The following IQGAP1 variants were observed in gnomAD, a reference collection of about 807,000 sequenced individuals.
The protein encoded by IQGAP1 is ras GTPase-activating-like protein IQGAP1.
IQGAP1 carries 66 observed loss-of-function variants against 215.6 expected under a neutral mutation model. The ratio of observed to expected loss-of-function variants is 0.31; its 90% CI spans 0.25 to 0.38. IQGAP1 has a LOEUF of 0.38. Among genes scored for constraint, IQGAP1 ranks in the 10% least tolerant of loss-of-function variants. The pLI is 1.00. For missense variants in IQGAP1, 1,712 were observed against 1,997.1 expected (o/e 0.86, Z 2.72); for synonymous variants, 772 against 728.7 (o/e 1.06, Z -0.96).
Position 90,491,307 on chromosome 15 carries a change from T to G in IQGAP1, c.4249-26T>G, listed in dbSNP as rs376947461. 16 of 1,601,980 alleles carry G rather than the reference T, an allele frequency of 1.0e-5. No homozygotes were observed. The African/African-American group carries it at 1.9e-4, about 19-fold the overall frequency. ...TTTAGGATTAGTGTGGTAAACTTGC[T>G]AAGAACTTCTTTTTCCCATCCGTAG... On this transcript the variant is annotated intron_variant, in intron 33 of 37. Transcript: ENST00000268182.
intron 11 of IQGAP1, among the ~76,000 whole-genome samples, chr15:90,451,833 C>CTTT (rs1000688423): frequency 7.2e-6 from 1 of 139,524 alleles, no homozygotes; most frequent in African/African-American, 2.6e-5. Flanking sequence ...TCTGTGTGCC[C>CTTT]TTTTTTTTTT....
intron 3 of IQGAP1, among the ~76,000 whole-genome samples, chr15:90,428,958 T>A (rs993181968): frequency 2.6e-5 from 4 of 152,146 alleles, no homozygotes; most frequent in African/African-American, 9.7e-5. Flanking sequence ...GGTTCAACGA[T>A]TCTCCTGCCT....
intron 4 of IQGAP1, among the ~76,000 whole-genome samples, chr15:90,431,984 G>A (rs1164489049): frequency 6.6e-6 from 1 of 152,024 alleles, no homozygotes; most frequent in Non-Finnish European, 1.5e-5. Context: ...AACTAGTCCT[G>A]TTTTCTTTAA....
chr15:90,471,012 G>T (rs1429121980), intron 18 of IQGAP1, among the ~76,000 whole-genome samples: 2 of 151,914 alleles, frequency 1.3e-5, no homozygotes, highest in African/African-American at 2.4e-5. Context: ...TGTGGCTCTA[G>T]CCCTTACCCT....
At chr15:90,389,046 T>G (rs1445984069) in intron 1 of IQGAP1, among the ~76,000 whole-genome samples, 1 of 152,178 alleles carries the variant, frequency 6.6e-6, no homozygotes, top group Non-Finnish European at 1.5e-5. Flanking sequence ...GGAGGACCCT[T>G]TGGGATTTTG....
intron 26 of IQGAP1, 138 bp downstream of exon 26, chr15:90,478,027 TGTC>T (rs1966004862): frequency 1.5e-6 from 1 of 657,954 alleles, no homozygotes; most frequent in African/African-American, 1.8e-5. Context: ...GTTTCACTCT[TGTC>T]GTCCAGGCTG....
chr15:90,442,171 G>T (rs16944431), intron 8 of IQGAP1, among the ~76,000 whole-genome samples: 27,276 of 152,128 alleles, frequency 0.18, 2,563 homozygotes, highest in Middle Eastern at 0.22. Flanking sequence ...GTGTACAGTT[G>T]TTATGGGTAT....
At chr15:90,398,303 A>G (rs1033113884) in intron 2 of IQGAP1, among the ~76,000 whole-genome samples, 1 of 152,128 alleles carries the variant, frequency 6.6e-6, no homozygotes, top group African/African-American at 2.4e-5. Context: ...TTCACTTCAG[A>G]CCTTAGCTTT....
intron 7 of IQGAP1, 49 bp from the exon 8 acceptor site, chr15:90,441,457 A>G (rs764556499): frequency 5.3e-6 from 8 of 1,497,676 alleles, no homozygotes; most frequent in South Asian, 1.2e-5. Flanking sequence ...CCTGTAATCT[A>G]TATAATCTCA....
chr15:90,388,255 C>T lies in IQGAP1; in HGVS notation c.-87C>T, dbSNP rs1349837201. On this transcript the variant is annotated 5_prime_UTR_variant, in exon 1 of 38. Transcript: ENST00000268182. Reference sequence around the variant, plus strand: ...CGGGGCCTCGGGGACCCCGGCAAGCCCGCGCACTTGGCAGGAGCTGTAGCT... The same window carrying T: ...CGGGGCCTCGGGGACCCCGGCAAGCTCGCGCACTTGGCAGGAGCTGTAGCT... 1.4e-6 allele frequency: 2 copies of T among 1,474,336 alleles called. No homozygotes were observed. The highest frequency in any genetic ancestry group is 1.8e-6 in the Non-Finnish European group (2 of 1,081,976). 91.3% of individuals were successfully genotyped at this position (1,474,336 alleles called of 1,614,324 possible).
chr15:90,406,074 G>T (rs1964873766), intron 2 of IQGAP1, among the ~76,000 whole-genome samples: 1 of 151,934 alleles, frequency 6.6e-6, no homozygotes, highest in African/African-American at 2.4e-5. Context: ...AAAAATGAGG[G>T]GTGCAAATGT....
At chr15:90,479,388 G>A (rs1966024426) in intron 26 of IQGAP1, among the ~76,000 whole-genome samples, 1 of 152,000 alleles carries the variant, frequency 6.6e-6, no homozygotes, top group African/African-American at 2.4e-5. Flanking sequence ...CCGGATGCCA[G>A]GCAAACAGGG....
chr15:90,443,630 T>C (rs1407826137), intron 9 of IQGAP1, 152 bp downstream of exon 9: 2 of 580,170 alleles, frequency 3.4e-6, no homozygotes, highest in Admixed American at 6.4e-5. Flanking sequence ...ATCTTTTGTG[T>C]TTCTATGCCT....
At position 90,500,424 on chromosome 15, in the gene IQGAP1, G is replaced by A. The variant is rs1383656044; in HGVS notation, c.*316G>A. 1 of 221,454 alleles carries A rather than the reference G, an allele frequency of 4.5e-6. No homozygotes were observed. Among genetic ancestry groups the A allele is most frequent in the African/African-American group, 2.2e-5 (1 of 44,628 alleles). The allele number at this position is 221,454 out of a possible 1,614,324, so 13.7% of individuals were successfully genotyped here. On this transcript the variant is annotated 3_prime_UTR_variant, in exon 38 of 38. Coordinates refer to ENST00000268182, the MANE Select transcript of IQGAP1 (RefSeq NM_003870.4). ...GTCTTAGAGGTTGCAGTACTATATTGTAAGCTTTGGTGTTTGTTTAATTAG... is the reference window on the plus strand; with the variant it reads ...GTCTTAGAGGTTGCAGTACTATATTATAAGCTTTGGTGTTTGTTTAATTAG...
chr15:90,485,997 T>A (rs1176697253), intron 30 of IQGAP1, 33 bp from the exon 31 acceptor site: 1 of 1,510,102 alleles, frequency 6.6e-7, no homozygotes, highest in Non-Finnish European at 9.2e-7. Context: ...AAGAGTTGAA[T>A]GTATAAATGG....
chr15:90,431,752 T>C (rs1365443023), intron 4 of IQGAP1, among the ~76,000 whole-genome samples: 1 of 152,238 alleles, frequency 6.6e-6, no homozygotes, highest in Non-Finnish European at 1.5e-5. Flanking sequence ...ATTGTTGTTC[T>C]TAATATAATG....
At chr15:90,394,524 G>A (rs914653055) in intron 2 of IQGAP1, among the ~76,000 whole-genome samples, 2 of 152,146 alleles carry the variant, frequency 1.3e-5, no homozygotes, top group Non-Finnish European at 2.9e-5. Context: ...CATGCTCTTC[G>A]TTATTAGTGA....
Position 90,482,227 on chromosome 15 carries a change from G to A in IQGAP1, c.3501G>A (p.Leu1167=), listed in dbSNP as rs761144008. Residue 1167 remains leucine, a synonymous_variant, in exon 28 of 38, where the codon CTG becomes CTA. Transcript: ENST00000268182. The part of the protein sequence containing the change: ...PYGMRFIAKV[L]KDSLHEKFPD... Reference sequence around the variant, plus strand: ...GGATGCGCTTCATTGCCAAAGTGCTGAAGGACTCGTTGCATGAGAAGTTCC... The same window carrying A: ...GGATGCGCTTCATTGCCAAAGTGCTAAAGGACTCGTTGCATGAGAAGTTCC... 2 of 1,614,238 alleles carry A rather than the reference G, an allele frequency of 1.2e-6. No homozygotes were observed. The highest frequency in any genetic ancestry group is 2.7e-5 in the African/African-American group (2 of 75,072).
chr15:90,456,291 T>A lies in IQGAP1; in HGVS notation c.1752T>A (p.Ile584=), dbSNP rs376691675. The change falls in exon 15 of 38, where the codon ATT becomes ATA. Residue 584 remains isoleucine, a synonymous_variant. Transcript: ENST00000268182. ...CCCAGCATTACCAAGACACGCTGAT[T>A]AGAGCGAAGAGAGAGAAAGCCCAGG... ...EVAQHYQDTL[I]RAKREKAQEI... 1.9e-6 allele frequency: 3 copies of A among 1,613,892 alleles called. No homozygotes were observed. Among genetic ancestry groups the A allele is most frequent in the Non-Finnish European group, 2.5e-6 (3 of 1,179,938 alleles).
Sources: allele counts gnomAD v4.1 joint callset (sites outside exome capture counted in the v4.1 genomes callset), GRCh38; gene constraint gnomAD v4.1.1; transcripts MANE v1.5; gene names NCBI Gene and HGNC (gene_info 2026-07-23, HGNC 2026-07-21).